Variants in NADK observed in about 807,000 individuals in gnomAD.
NADK encodes the protein NAD kinase.
NADK carries 22 observed loss-of-function variants against 49.8 expected under a neutral mutation model. The ratio of observed to expected loss-of-function variants is 0.44; its 90% confidence interval spans 0.32 to 0.63. NADK has a LOEUF of 0.63. Ranked by LOEUF, NADK falls within the 30% of genes least tolerant of loss-of-function variation. NADK has a pLI of 0.06. For missense variants in NADK, 438 were observed against 609.4 expected (o/e 0.72, Z 2.96); for synonymous variants, 268 against 253.7 (o/e 1.06, Z -0.54).
chr1:1,758,489 C>T lies in NADK; in HGVS notation c.264-1179G>A, dbSNP rs761439901. On this transcript the variant is annotated intron_variant, in intron 3 of 11. Transcript: ENST00000341426. ...CCTGCTGGGAGCCGGCCAGTGTGTCCACAGCATCCAGGCCACGCTTGGCGA... is the reference window on the plus strand; with the variant it reads ...CCTGCTGGGAGCCGGCCAGTGTGTCTACAGCATCCAGGCCACGCTTGGCGA... The T allele has an allele frequency of 2.5e-6, 4 of 1,612,184 alleles. No individual in the cohort carries two copies. In the African/African-American group the frequency reaches 5.3e-5, roughly 22 times the overall value.
chr1:1,778,054 G>A lies in NADK; in HGVS notation c.-41+235C>T, dbSNP rs1169241454. Among the ~76,000 whole-genome samples the A allele has an allele frequency of 2.0e-5, 3 of 152,166 alleles. No homozygotes were observed. The highest frequency in any genetic ancestry group is 4.4e-5 in the Non-Finnish European group (3 of 68,030). On this transcript the variant is annotated intron_variant, in intron 1 of 11. Coordinates refer to ENST00000341426, the MANE Select transcript of NADK (RefSeq NM_023018.5). The surrounding 1 kb of genome is among the most constrained non-coding windows in gnomAD (Gnocchi z 4.9). ...CCACCTTCCCCGCCCGGGAGAGCCAGGCCGGACAGCGGCCTCCCTCAGACC... is the reference window on the plus strand; with the variant it reads ...CCACCTTCCCCGCCCGGGAGAGCCAAGCCGGACAGCGGCCTCCCTCAGACC...
chr1:1,775,825 T>C (rs1382190180), intron 1 of NADK, among the ~76,000 whole-genome samples: 1 of 152,200 alleles, frequency 6.6e-6, no homozygotes, highest in East Asian at 1.9e-4. Flanking sequence ...TGCTAGGACC[T>C]TTGCAATTGT....
intron 1 of NADK, among the ~76,000 whole-genome samples, chr1:1,765,824 C>T (rs1315028875): frequency 6.6e-6 from 1 of 152,136 alleles, no homozygotes; most frequent in Admixed American, 6.6e-5. Flanking sequence ...GCAGGAGAAT[C>T]GCTTGAACCC....
intron 11 of NADK, 132 bp downstream of exon 11, chr1:1,753,435 G>T: frequency 2.8e-6 from 2 of 709,492 alleles, no homozygotes; most frequent in Non-Finnish European, 4.7e-6. Flanking sequence ...GATGCTGCAA[G>T]ACCCAGGGAC....
At chr1:1,761,057 A>C (rs1233182896) in intron 3 of NADK, among the ~76,000 whole-genome samples, 2 of 152,024 alleles carry the variant, frequency 1.3e-5, no homozygotes. Flanking sequence ...CAATGGTGCG[A>C]TCTTCGGCTT....
chr1:1,758,312 G>A (rs983929204), intron 3 of NADK: 11 of 1,553,728 alleles, frequency 7.1e-6, no homozygotes, highest in Non-Finnish European at 7.9e-6. Context: ...CAGCCACAGG[G>A]CCACAGACCT....
intron 6 of NADK, chr1:1,756,043 G>T (rs2076328): frequency 0.44 from 260,879 of 599,020 alleles, 61,663 homozygotes; most frequent in Admixed American, 0.56. Context: ...CCAGGCGGGC[G>T]CTGGCCACCC....
chr1:1,771,303 A>C (rs774815428), intron 1 of NADK, among the ~76,000 whole-genome samples: 2 of 152,082 alleles, frequency 1.3e-5, no homozygotes, highest in Non-Finnish European at 2.9e-5. Context: ...CTCAATATTG[A>C]GATCTTAGTT....
intron 3 of NADK, chr1:1,759,385 T>C (rs1365818211): frequency 7.9e-7 from 1 of 1,261,446 alleles, no homozygotes; most frequent in Admixed American, 2.9e-5. Context: ...GAAGCCAGCA[T>C]GGCCACAGCC....
intron 2 of NADK, among the ~76,000 whole-genome samples, chr1:1,763,205 C>T (rs2100332316): frequency 6.6e-6 from 1 of 152,372 alleles, no homozygotes; most frequent in Admixed American, 6.5e-5. Flanking sequence ...TAAGTACAGG[C>T]CGGGTGCAGT....
intron 3 of NADK, chr1:1,758,699 A>C: frequency 7.3e-6 from 10 of 1,376,212 alleles, no homozygotes; most frequent in East Asian, 2.6e-5. Context: ...CAGTTTCCTC[A>C]TTGGTCACAT....
chr1:1,779,667 T>TTGTGTGTGTGTGTG (rs34618817), upstream of NADK, among the ~76,000 whole-genome samples: 27 of 148,696 alleles, frequency 1.8e-4, no homozygotes, highest in African/African-American at 6.2e-4. Flanking sequence ...ATATATATAT[T>TTGTGTGTGTGTGTG]TGTGTGTGTG....
Position 1,757,310 on chromosome 1 carries a change from C to T in NADK, c.264G>A (p.Met88Ile), listed in dbSNP as rs747797665. 6.2e-7 allele frequency: 1 copy of T among 1,612,594 alleles called. No homozygotes were observed. The highest frequency in any genetic ancestry group is 1.7e-5 in the Admixed American group (1 of 59,950). ...ACVLQNPQTI[M>I]HIQDPASQRL... ...GCTGGCTCGCGGGGTCCTGAATGTG[C>T]CTTTAGGGGAGGAGAAAAGAGTTCA... Residue 88 changes from methionine to isoleucine, a missense_variant and splice_region_variant, in exon 4 of 12, where the codon ATG (methionine) becomes ATA (isoleucine). Coordinates refer to ENST00000341426, the MANE Select transcript of NADK (RefSeq NM_023018.5).
At chr1:1,778,929 C>A (rs576735217), upstream of NADK, 1 of 152,594 alleles carries the variant, frequency 6.6e-6, no homozygotes, top group African/African-American at 2.4e-5. This position sits in a 1 kb window ranked among gnomAD's most constrained non-coding sequence, Gnocchi z 4.9. Flanking sequence ...CCGCCCGCCG[C>A]CGCTTCCCTA....
rs1646266211 is a variant in NADK, at chr1:1,778,134, A to C, written c.-41+155T>G. ...CGTGCTGGTGCCCCATTCGGGACGG[A>C]GCGGTGGCCCGTCAGCACTTCCACG... On this transcript the variant is annotated intron_variant, in intron 1 of 11. Transcript: ENST00000341426. The surrounding 1 kb of genome is among the most constrained non-coding windows in gnomAD (Gnocchi z 4.9). Among the ~76,000 whole-genome samples, 1 of 152,116 alleles carries C rather than the reference A, an allele frequency of 6.6e-6. No homozygotes were observed. Among genetic ancestry groups the C allele is most frequent in the Non-Finnish European group, 1.5e-5 (1 of 68,002 alleles).
chr1:1,768,714 T>C (rs149034997), intron 1 of NADK, among the ~76,000 whole-genome samples: 1 of 152,352 alleles, frequency 6.6e-6, no homozygotes, highest in East Asian at 1.9e-4. Flanking sequence ...CCTTGGACTC[T>C]TGGCCTCCAG....
intron 1 of NADK, among the ~76,000 whole-genome samples, chr1:1,775,394 C>T (rs929148114): frequency 2.0e-5 from 3 of 152,146 alleles, no homozygotes; most frequent in Non-Finnish European, 4.4e-5. Flanking sequence ...AACCTCAACC[C>T]TGAGTGGGAA....
In NADK at chr1:1,759,062, C is replaced by T. The variant is rs929406991; in HGVS notation, c.264-1752G>A. On this transcript the variant is annotated intron_variant, in intron 3 of 11. Transcript: ENST00000341426. ...GCCAGCAAAGCCCCCGCCCTGCACA[C>T]GGCTCCCCCTGCTCTCCCCGCCAAC... is the stretch of plus-strand genomic sequence containing the variant. 52 of 1,490,440 alleles carry T rather than the reference C, an allele frequency of 3.5e-5. No homozygotes were observed. The Admixed American group carries it at 5.0e-4, about 14-fold the overall frequency. 92.3% of individuals were successfully genotyped at this position (1,490,440 alleles called of 1,614,324 possible).
intron 3 of NADK, among the ~76,000 whole-genome samples, chr1:1,758,055 C>T (rs929756795): frequency 2.6e-5 from 4 of 152,202 alleles, no homozygotes; most frequent in African/African-American, 4.8e-5. Context: ...CGGGAACACA[C>T]ACCACGGAGC....
Sources: allele counts gnomAD v4.1 joint callset (sites outside exome capture counted in the v4.1 genomes callset), GRCh38; gene constraint gnomAD v4.1.1; non-coding constraint Gnocchi (gnomAD v3.1); transcripts MANE v1.5; gene names NCBI Gene and HGNC (gene_info 2026-07-23, HGNC 2026-07-21).